BAP1: variants seen among roughly 807,000 people sequenced by gnomAD.
BAP1 encodes the protein ubiquitin carboxyl-terminal hydrolase BAP1.
BAP1 carries 16 observed loss-of-function variants against 77.2 expected under a neutral mutation model. That is an observed-to-expected ratio of 0.21 (90% confidence interval 0.14 to 0.31). BAP1 has a LOEUF of 0.31. Among genes scored for constraint, BAP1 ranks in the 10% least tolerant of loss-of-function variants. The pLI is 1.00. For synonymous variants in BAP1, 362 were observed against 385.2 expected, an observed-to-expected ratio of 0.94 and a Z score of 0.71; for missense variants, 699 against 967.3, an observed-to-expected ratio of 0.72 and a Z score of 3.68.
chr3:52,407,580 G>C (rs1048840367), intron 5 of BAP1, 120 bp from the exon 6 acceptor site: 1 of 1,395,346 alleles, frequency 7.2e-7, no homozygotes, highest in Non-Finnish European at 1.0e-6. Context: ...GAACACAGAC[G>C]AACTTTCTTA....
Position 52,405,438 on chromosome 3 carries a change from A to G in BAP1, c.932-144T>C, listed in dbSNP as rs1705119762. On this transcript the variant is annotated intron_variant, in intron 10 of 16. Transcript: ENST00000460680. ...AATGGGAGTCAGCAAGCTCTAAGTC[A>G]TGATCCCGCAATGAGACAGGGCAAA... 4.1e-5 allele frequency: 28 copies of G among 680,556 alleles called. 1 individual carries two copies. The South Asian group carries it at 4.2e-4, about 10-fold the overall frequency. The allele number at this position is 680,556 out of a possible 1,614,324, so 42.2% of individuals were successfully genotyped here.
intron 4 of BAP1, 125 bp from the exon 5 acceptor site, chr3:52,408,202 T>C: frequency 6.8e-7 from 1 of 1,465,970 alleles, no homozygotes; most frequent in Non-Finnish European, 9.3e-7. Flanking sequence ...TCTCAGCTCC[T>C]TTCATCTTTG....
At position 52,406,033 on chromosome 3, in the gene BAP1, A is replaced by C; in HGVS notation, c.784-121T>G. 1.3e-6 allele frequency: 2 copies of C among 1,527,430 alleles called. No homozygotes were observed. Among genetic ancestry groups the C allele is most frequent in the Non-Finnish European group, 1.8e-6 (2 of 1,123,756 alleles). The allele number at this position is 1,527,430 out of a possible 1,614,324, so 94.6% of individuals were successfully genotyped here. ...GGCTCTACCCATTCACTCACAGGGAAATAAAACACCCAAACCCAAACTTCC... is the reference window on the plus strand; with the variant it reads ...GGCTCTACCCATTCACTCACAGGGACATAAAACACCCAAACCCAAACTTCC... On this transcript the variant is annotated intron_variant, in intron 9 of 16. Coordinates refer to ENST00000460680, the MANE Select transcript of BAP1 (RefSeq NM_004656.4). The surrounding 1 kb of genome is among the most constrained non-coding windows in gnomAD (Gnocchi z 4.6).
chr3:52,407,073 C>T, intron 7 of BAP1, 101 bp downstream of exon 7: 1 of 1,587,872 alleles, frequency 6.3e-7, no homozygotes, highest in Non-Finnish European at 8.6e-7. Context: ...TCGGTACCGA[C>T]AACCCCTGCC....
chr3:52,402,473 G>C lies in BAP1; in HGVS notation c.2057-52C>G, dbSNP rs775815421. On this transcript the variant is annotated intron_variant, in intron 16 of 16. Transcript: ENST00000460680. The surrounding 1 kb of genome is among the most constrained non-coding windows in gnomAD (Gnocchi z 5.3). ...AGGTGCTGGCTGCCTCAGGCCAGGA[G>C]CTGAGGCTCTCATGGCCCTCCCTGT... 1 of 1,585,960 alleles carries C rather than the reference G, an allele frequency of 6.3e-7. No individual in the cohort carries two copies. The highest frequency in any genetic ancestry group is 8.6e-7 in the Non-Finnish European group (1 of 1,166,526).
chr3:52,407,369 C>A (rs1300491841), intron 6 of BAP1, 30 bp downstream of exon 6: 1 of 1,614,084 alleles, frequency 6.2e-7, no homozygotes, highest in African/African-American at 1.3e-5. Context: ...CTACTCCCAC[C>A]CCACATCAGC....
Position 52,406,588 on chromosome 3 carries a change from C to A in BAP1, c.660-212G>T. The A allele has an allele frequency of 1.1e-6, 1 of 914,316 alleles. No individual in the cohort carries two copies. Among genetic ancestry groups the A allele is most frequent in the Non-Finnish European group, 1.7e-6 (1 of 597,780 alleles). 56.6% of individuals were successfully genotyped at this position (914,316 alleles called of 1,614,324 possible). A position where few individuals can be genotyped will look rare whatever the true frequency, so the allele number is the denominator to read the frequency against. ...ATGAGGGGCCTATCTGGAAGTGAAC[C>A]AGCAGACCTGGGCTGCCTAAGGCTC... On this transcript the variant is annotated intron_variant, in intron 8 of 16. Coordinates refer to ENST00000460680, the MANE Select transcript of BAP1 (RefSeq NM_004656.4). This position sits in a 1 kb window ranked among gnomAD's most constrained non-coding sequence, Gnocchi z 4.6.
Position 52,406,150 on chromosome 3 carries a change from C to T in BAP1, c.783+103G>A, listed in dbSNP as rs1352845738. On this transcript the variant is annotated intron_variant, in intron 9 of 16. Coordinates refer to ENST00000460680, the MANE Select transcript of BAP1 (RefSeq NM_004656.4). This position sits in a 1 kb window ranked among gnomAD's most constrained non-coding sequence, Gnocchi z 4.6. ...TGTGGTTAGCTGAAGCCCAGATCTA[C>T]AAGAGAGTATGTTCACGAATCAGAG... 1 of 1,594,188 alleles carries T rather than the reference C, an allele frequency of 6.3e-7. No homozygotes were observed. Among genetic ancestry groups the T allele is most frequent in the Non-Finnish European group, 8.6e-7 (1 of 1,167,084 alleles).
chr3:52,408,631 A>G (rs1265083896), intron 3 of BAP1, 25 bp from the exon 4 acceptor site: 2 of 1,603,636 alleles, frequency 1.2e-6, no homozygotes, highest in East Asian at 4.5e-5. Flanking sequence ...GGGCAGAGCC[A>G]GATCAGCCAA....
intron 10 of BAP1, 62 bp from the exon 11 acceptor site, chr3:52,405,356 C>G: frequency 6.3e-7 from 1 of 1,599,738 alleles, no homozygotes; most frequent in Non-Finnish European, 8.5e-7. Flanking sequence ...AGCTCACAGT[C>G]TCCCCGGCCC....
At position 52,405,191 on chromosome 3, in the gene BAP1, C is replaced by A. The variant is rs369744075; in HGVS notation, c.1035G>T (p.Gly345=). ...CAATGGGAGTGGGGTTGGGGTGAAC[C>A]CCATTGAGGCTGCTGCCTGGAGGCT... The part of the protein sequence containing the change: ...VVKPPGSSLN[G]VHPNPTPIVQ... The change falls in exon 11 of 17, where the codon GGG becomes GGT. Residue 345 remains glycine, a synonymous_variant. Transcript: ENST00000460680. 1 of 1,614,098 alleles carries A rather than the reference C, an allele frequency of 6.2e-7. No individual in the cohort carries two copies. The highest frequency in any genetic ancestry group is 8.5e-7 in the Non-Finnish European group (1 of 1,180,018).
In BAP1 at chr3:52,402,680, G is replaced by C. The variant is rs2153226229; in HGVS notation, c.1984-6C>G. The stretch of plus-strand genomic sequence containing the variant: ...GTCCTTCTCTGGTCATCAATCTGTA[G>C]GAGAGAAGAAGACTGAGAGCACTGG... On this transcript the variant is annotated splice_region_variant and splice_polypyrimidine_tract_variant and intron_variant, in intron 15 of 16. Transcript: ENST00000460680. The surrounding 1 kb of genome is among the most constrained non-coding windows in gnomAD (Gnocchi z 5.3). 6.2e-7 allele frequency: 1 copy of C among 1,614,188 alleles called. No individual in the cohort carries two copies. The highest frequency in any genetic ancestry group is 8.5e-7 in the Non-Finnish European group (1 of 1,180,000).
chr3:52,406,633 C>T lies in BAP1; in HGVS notation c.659+196G>A. On this transcript the variant is annotated intron_variant, in intron 8 of 16. Coordinates refer to ENST00000460680, the MANE Select transcript of BAP1 (RefSeq NM_004656.4). The surrounding 1 kb of genome is among the most constrained non-coding windows in gnomAD (Gnocchi z 4.6). ...AGGCTCCACTGAGGCCTGCCCCTCC[C>T]CCAGCCCACCCAGGAGCAGGCCACA... is the stretch of plus-strand genomic sequence containing the variant. The T allele has an allele frequency of 1.2e-6, 1 of 868,668 alleles. No individual in the cohort carries two copies. The highest frequency in any genetic ancestry group is 1.8e-6 in the Non-Finnish European group (1 of 559,332). 53.8% of individuals were successfully genotyped at this position (868,668 alleles called of 1,614,324 possible).
In BAP1 at chr3:52,406,621, G is replaced by T; in HGVS notation, c.659+208C>A. 1.2e-6 allele frequency: 1 copy of T among 858,412 alleles called. No individual in the cohort carries two copies. The highest frequency in any genetic ancestry group is 1.8e-6 in the Non-Finnish European group (1 of 550,060). The allele number at this position is 858,412 out of a possible 1,614,324, so 53.2% of individuals were successfully genotyped here. On this transcript the variant is annotated intron_variant, in intron 8 of 16. Transcript: ENST00000460680. The surrounding 1 kb of genome is among the most constrained non-coding windows in gnomAD (Gnocchi z 4.6). ...CTGGGCTGCCTAAGGCTCCACTGAG[G>T]CCTGCCCCTCCCCCAGCCCACCCAG... is the stretch of plus-strand genomic sequence containing the variant.
At chr3:52,409,485 G>T (rs2153228464) in intron 3 of BAP1, 69 bp downstream of exon 3, 1 of 1,589,548 alleles carries the variant, frequency 6.3e-7, no homozygotes, top group Non-Finnish European at 8.6e-7. Flanking sequence ...TTCCCTAAGG[G>T]GCCCTGTTCT....
In BAP1 at chr3:52,402,251, C is replaced by T. The variant is rs139307137; in HGVS notation, c.*37G>A. 1,226 of 1,594,146 alleles carry T rather than the reference C, an allele frequency of 7.7e-4. 14 individuals are homozygous for T. In the East Asian group the frequency reaches 0.017, roughly 22 times the overall value. ...GGGAAGGACCCTGGTGAGGGCCACACGGCAAGAGTGGGCTGCAGAGTCAGG... is the reference window on the plus strand; with the variant it reads ...GGGAAGGACCCTGGTGAGGGCCACATGGCAAGAGTGGGCTGCAGAGTCAGG... On this transcript the variant is annotated 3_prime_UTR_variant, in exon 17 of 17. Coordinates refer to ENST00000460680, the MANE Select transcript of BAP1 (RefSeq NM_004656.4). This position sits in a 1 kb window ranked among gnomAD's most constrained non-coding sequence, Gnocchi z 5.3.
rs1553645312 is a variant in BAP1 at position 52,405,206 on chromosome 3, G to A, written c.1020C>T (p.Gly340=). 2 of 1,614,148 alleles carry A rather than the reference G, an allele frequency of 1.2e-6. No homozygotes were observed. The highest frequency in any genetic ancestry group is 1.7e-6 in the Non-Finnish European group (2 of 1,180,042). The change falls in exon 11 of 17, where the codon GGC becomes GGT. Residue 340 remains glycine (G), a synonymous_variant. Coordinates refer to ENST00000460680, the MANE Select transcript of BAP1 (RefSeq NM_004656.4). ...NKPKLVVKPP[G]SSLNGVHPNP... ...TGGGGTGAACCCCATTGAGGCTGCT[G>A]CCTGGAGGCTTCACCACTAGCTTGG...
At position 52,406,984 on chromosome 3, in the gene BAP1, G is replaced by A. The variant is rs149867952; in HGVS notation, c.581-77C>T. On this transcript the variant is annotated intron_variant, in intron 7 of 16. Transcript: ENST00000460680. This position sits in a 1 kb window ranked among gnomAD's most constrained non-coding sequence, Gnocchi z 4.6. ...CAGGCCAGGAGTGGGAAGGAAGACA[G>A]AGAAGAGCAGTTGAGCCAGGGAATC... 2.7e-6 allele frequency: 4 copies of A among 1,508,346 alleles called. No individual in the cohort carries two copies. The highest frequency in any genetic ancestry group is 2.7e-6 in the Non-Finnish European group (3 of 1,106,766). 93.4% of individuals were successfully genotyped at this position (1,508,346 alleles called of 1,614,324 possible).
chr3:52,409,501 A>G lies in BAP1; in HGVS notation c.122+53T>C, dbSNP rs926981033. ...TCCCTAAGGGGCCCTGTTCTCTGGG[A>G]CCTTCCCCAGCACTCTGGGTGTAAG... On this transcript the variant is annotated intron_variant, in intron 3 of 16. Transcript: ENST00000460680. 4 of 1,608,362 alleles carry G rather than the reference A, an allele frequency of 2.5e-6. No homozygotes were observed. In the African/African-American group the frequency reaches 4.0e-5, roughly 16 times the overall value.
Sources: allele counts gnomAD v4.1 joint callset, GRCh38; gene constraint gnomAD v4.1.1; non-coding constraint Gnocchi (gnomAD v3.1); transcripts MANE v1.5; gene names NCBI Gene and HGNC (gene_info 2026-07-23, HGNC 2026-07-21).